CCSER1: variants seen among roughly 807,000 people sequenced by gnomAD.
CCSER1 encodes the protein serine-rich coiled-coil domain-containing protein 1.
CCSER1 carries 41 observed loss-of-function variants against 82.0 expected under a neutral mutation model. That is an observed-to-expected ratio of 0.50 (90% CI 0.39 to 0.65). CCSER1 has a LOEUF of 0.65. Among genes scored for constraint, CCSER1 ranks in the 30% least tolerant of loss-of-function variants. The pLI is 0.00. For missense variants in CCSER1, 1,119 were observed against 1,064.2 expected, an observed-to-expected ratio of 1.05 and a Z score of -0.72; for synonymous variants, 414 against 383.9, an observed-to-expected ratio of 1.08 and a Z score of -0.92.
At chr4:91,194,553 T>A (rs538001879) in intron 10 of CCSER1, among the ~76,000 whole-genome samples, 1 of 152,202 alleles carries the variant, frequency 6.6e-6, no homozygotes, top group Non-Finnish European at 1.5e-5. Context: ...AGAAAAAAAA[T>A]TATTGATTGT....
intron 10 of CCSER1, among the ~76,000 whole-genome samples, chr4:91,530,684 CTTTTT>C (rs35485374): frequency 6.6e-5 from 9 of 136,472 alleles, no homozygotes; most frequent in African/African-American, 1.9e-4. Context: ...ATTTTTCTTT[CTTTTT>C]TTTTTTTTTT....
intron 9 of CCSER1, among the ~76,000 whole-genome samples, chr4:91,081,095 G>A (rs1345575774): frequency 1.3e-5 from 2 of 152,030 alleles, no homozygotes; most frequent in African/African-American, 4.8e-5. Context: ...GCCTGGCAGA[G>A]ACACAACAAA....
chr4:91,048,225 A>T (rs1742682541), intron 9 of CCSER1, among the ~76,000 whole-genome samples: 1 of 151,978 alleles, frequency 6.6e-6, no homozygotes, highest in African/African-American at 2.4e-5. Flanking sequence ...ATACTATTTT[A>T]TGTATGAAAT....
At chr4:90,312,270 T>C (rs1303052064) in intron 2 of CCSER1, among the ~76,000 whole-genome samples, 1 of 151,866 alleles carries the variant, frequency 6.6e-6, no homozygotes, top group Non-Finnish European at 1.5e-5. Context: ...GAGCAGGACA[T>C]GAGATTGCAG....
intron 10 of CCSER1, among the ~76,000 whole-genome samples, chr4:91,390,367 G>A (rs1751572710): frequency 6.6e-6 from 1 of 151,780 alleles, no homozygotes; most frequent in Admixed American, 6.6e-5. Context: ...ATTTTCAAAT[G>A]TTGAACCTGG....
At chr4:90,160,445 C>A (rs555896541) in intron 1 of CCSER1, among the ~76,000 whole-genome samples, 1 of 152,122 alleles carries the variant, frequency 6.6e-6, no homozygotes, top group South Asian at 2.1e-4. Flanking sequence ...AGTAGGAGGA[C>A]TATCAGGAGA....
intron 9 of CCSER1, among the ~76,000 whole-genome samples, chr4:90,950,001 C>T (rs897204072): frequency 6.6e-6 from 1 of 152,074 alleles, no homozygotes; most frequent in Admixed American, 6.6e-5. Context: ...TGCTATCATA[C>T]CACACCCCTC....
intron 10 of CCSER1, among the ~76,000 whole-genome samples, chr4:91,110,419 A>G (rs2148870571): frequency 6.6e-6 from 1 of 152,174 alleles, no homozygotes; most frequent in South Asian, 2.1e-4. Flanking sequence ...GGAAAGTTTT[A>G]AATACTGTTG....
rs982567083 is a variant in CCSER1 at position 91,603,172 on chromosome 4, C to A, written c.*4115C>A. The A allele has an allele frequency of 1.2e-4, 18 of 152,020 alleles. No homozygotes were observed. Among genetic ancestry groups the A allele is most frequent in the African/African-American group, 4.3e-4 (18 of 41,430 alleles). 9.4% of individuals were successfully genotyped at this position (152,020 alleles called of 1,614,324 possible). ...GTCATTTTTTTAAAAAGCTGAATTA[C>A]ACTGTAGTATAAAAGCAAACAGTCA... On this transcript the variant is annotated 3_prime_UTR_variant, in exon 11 of 11. Coordinates refer to ENST00000509176, the MANE Select transcript of CCSER1 (RefSeq NM_001145065.2).
chr4:90,642,898 T>C (rs1321808714), intron 6 of CCSER1, among the ~76,000 whole-genome samples: 1 of 152,040 alleles, frequency 6.6e-6, no homozygotes. Flanking sequence ...TTTCTGTTTT[T>C]TTTTTTTTTA....
At chr4:91,472,648 A>G (rs972329705) in intron 10 of CCSER1, among the ~76,000 whole-genome samples, 1 of 152,232 alleles carries the variant, frequency 6.6e-6, no homozygotes, top group Non-Finnish European at 1.5e-5. Flanking sequence ...ATTTGTTACT[A>G]GTACCAAGAC....
intron 8 of CCSER1, among the ~76,000 whole-genome samples, chr4:90,906,359 A>G (rs966269457): frequency 1.3e-5 from 2 of 152,054 alleles, no homozygotes; most frequent in Non-Finnish European, 2.9e-5. Context: ...CATGACATCA[A>G]TTGTTTTCTA....
intron 10 of CCSER1, among the ~76,000 whole-genome samples, chr4:91,270,826 T>A (rs1319415469): frequency 6.6e-6 from 1 of 152,196 alleles, no homozygotes; most frequent in Non-Finnish European, 1.5e-5. Context: ...TCAGATAATT[T>A]TGTCATTGCT....
intron 1 of CCSER1, among the ~76,000 whole-genome samples, chr4:90,262,557 T>G (rs542424301): frequency 1.1e-4 from 16 of 152,322 alleles, no homozygotes; most frequent in Non-Finnish European, 1.5e-4. Context: ...GGTTCAAGTT[T>G]TAGGCCAATA....
chr4:90,325,780 C>A, intron 3 of CCSER1: 4 of 289,236 alleles, frequency 1.4e-5, no homozygotes, highest in East Asian at 8.5e-5. Context: ...GAAATTTAAA[C>A]ACATTAAATT....
chr4:90,743,901 T>C (rs1253737029), intron 7 of CCSER1, among the ~76,000 whole-genome samples: 1 of 152,196 alleles, frequency 6.6e-6, no homozygotes, highest in Non-Finnish European at 1.5e-5. Flanking sequence ...AGCCCTTTTT[T>C]GTCCCCATTT....
At chr4:90,448,942 A>T (rs1015654075) in intron 4 of CCSER1, among the ~76,000 whole-genome samples, 5 of 152,148 alleles carry the variant, frequency 3.3e-5, no homozygotes, top group African/African-American at 1.2e-4. Context: ...TATGCAGACA[A>T]CTGGAGGGTG....
At position 91,181,279 on chromosome 4, in the gene CCSER1, C is replaced by T. The variant is rs551975563; in HGVS notation, c.2217+95285C>T. Among the ~76,000 whole-genome samples, 2 of 152,324 alleles carry T rather than the reference C, an allele frequency of 1.3e-5. 1 individual carries two copies. Among genetic ancestry groups the T allele is most frequent in the African/African-American group, 4.8e-5 (2 of 41,578 alleles). On this transcript the variant is annotated intron_variant, in intron 10 of 10. Coordinates refer to ENST00000509176, the MANE Select transcript of CCSER1 (RefSeq NM_001145065.2). ...TACTTCTCACAGGAGTCAGGATCCA[C>T]ATCTGCAGACTACCCAAAGACAATA...
chr4:91,488,794 T>C lies in CCSER1; in HGVS notation c.2218-109778T>C, dbSNP rs180844872. On this transcript the variant is annotated intron_variant, in intron 10 of 10. Transcript: ENST00000509176. The stretch of plus-strand genomic sequence containing the variant: ...AATTACCCATTCTCAGGTAGTTCTT[T>C]ATAGCAGTGCTAGAATGAACTAATA... Among the ~76,000 whole-genome samples, 27 of 152,322 alleles carry C rather than the reference T, an allele frequency of 1.8e-4. No individual in the cohort carries two copies. The East Asian group carries it at 5.2e-3, about 29-fold the overall frequency.
Sources: allele counts gnomAD v4.1 joint callset (sites outside exome capture counted in the v4.1 genomes callset), GRCh38; gene constraint gnomAD v4.1.1; transcripts MANE v1.5; gene names NCBI Gene and HGNC (gene_info 2026-07-23, HGNC 2026-07-21).